Variants in LRMDA observed in about 807,000 individuals in gnomAD.
LRMDA encodes the protein leucine rich melanocyte differentiation associated.
Under a neutral mutation model 29.8 loss-of-function variants are expected in LRMDA, and 18 were observed. That is an observed-to-expected ratio of 0.60 (90% CI 0.42 to 0.90). LRMDA has a LOEUF of 0.90. Among genes scored for constraint, LRMDA ranks in the 40% least tolerant of loss-of-function variants. LRMDA has a pLI of 0.00. For synonymous variants in LRMDA, 125 were observed against 109.4 expected, an observed-to-expected ratio of 1.14 and a Z score of -0.89; for missense variants, 273 against 273.9, an observed-to-expected ratio of 1.00 and a Z score of 0.02.
chr10:75,912,417 C>T (rs1845857583), intron 2 of LRMDA, among the ~76,000 whole-genome samples: 1 of 152,058 alleles, frequency 6.6e-6, no homozygotes, highest in Non-Finnish European at 1.5e-5. Context: ...TGGAAGCCCT[C>T]TTGGAAGAGG....
chr10:76,441,839 G>C (rs1842306953), intron 6 of LRMDA, among the ~76,000 whole-genome samples: 1 of 152,102 alleles, frequency 6.6e-6, no homozygotes, highest in African/African-American at 2.4e-5. Flanking sequence ...TAGGTATTAA[G>C]TATGACTGCC....
At chr10:75,720,774 T>C (rs1842557184) in intron 2 of LRMDA, among the ~76,000 whole-genome samples, 1 of 152,210 alleles carries the variant, frequency 6.6e-6, no homozygotes. Flanking sequence ...AATCTCTTTA[T>C]TCTCCTTGGT....
At chr10:75,681,309 T>C (rs920700311) in intron 2 of LRMDA, among the ~76,000 whole-genome samples, 2 of 152,214 alleles carry the variant, frequency 1.3e-5, no homozygotes, top group African/African-American at 4.8e-5. Context: ...TTGTGCCAAA[T>C]TGCTTTTGAG....
chr10:76,437,033 T>G (rs1842251938), intron 6 of LRMDA, among the ~76,000 whole-genome samples: 2 of 152,278 alleles, frequency 1.3e-5, no homozygotes, highest in East Asian at 3.9e-4. Context: ...TCCAGCCCTG[T>G]CAGATAGTGA....
chr10:76,515,011 G>A (rs1341266152), intron 6 of LRMDA, among the ~76,000 whole-genome samples: 2 of 152,106 alleles, frequency 1.3e-5, no homozygotes, highest in African/African-American at 4.8e-5. Flanking sequence ...GCATGATTAT[G>A]CAAGCTTTGA....
chr10:75,785,277 G>A (rs1843452192), intron 2 of LRMDA, among the ~76,000 whole-genome samples: 3 of 152,184 alleles, frequency 2.0e-5, no homozygotes, highest in Admixed American at 6.5e-5. Context: ...CATAATGAGA[G>A]AAGTTGGCAG....
intron 2 of LRMDA, among the ~76,000 whole-genome samples, chr10:75,688,050 T>C (rs756609124): frequency 2.0e-5 from 3 of 152,234 alleles, no homozygotes; most frequent in Non-Finnish European, 4.4e-5. Context: ...CACCCAACAG[T>C]TCCAATGGAG....
At chr10:75,529,800 G>A (rs944851211) in intron 2 of LRMDA, among the ~76,000 whole-genome samples, 8 of 152,318 alleles carry the variant, frequency 5.3e-5, no homozygotes, top group Admixed American at 2.6e-4. Flanking sequence ...ATATAATTAT[G>A]AACACAAAAT....
At chr10:75,863,344 A>G (rs1355641265) in intron 2 of LRMDA, among the ~76,000 whole-genome samples, 2 of 152,228 alleles carry the variant, frequency 1.3e-5, no homozygotes, top group East Asian at 3.8e-4. Flanking sequence ...GAAATCAAAA[A>G]TATATACTGT....
Position 76,557,445 on chromosome 10 carries a change from G to T in LRMDA, c.*157G>T. On this transcript the variant is annotated 3_prime_UTR_variant, in exon 7 of 7. Transcript: ENST00000611255. ...TTGGTACCTTCCGCTGACTTTGCCA[G>T]GCCTGTCAAGATGATCCTTCTGCCT... 4.7e-6 allele frequency: 3 copies of T among 641,566 alleles called. No individual in the cohort carries two copies. The highest frequency in any genetic ancestry group is 8.2e-6 in the Non-Finnish European group (3 of 366,416). The allele number at this position is 641,566 out of a possible 1,614,324, so 39.7% of individuals were successfully genotyped here. A position where few individuals can be genotyped will look rare whatever the true frequency, so the allele number is the denominator to read the frequency against.
At chr10:75,738,181 G>A (rs973944528) in intron 2 of LRMDA, among the ~76,000 whole-genome samples, 1 of 150,780 alleles carries the variant, frequency 6.6e-6, no homozygotes, top group African/African-American at 2.4e-5. Flanking sequence ...TTTTTTAAAC[G>A]TAATTTTGAG....
At chr10:75,736,624 A>T (rs1842765766) in intron 2 of LRMDA, among the ~76,000 whole-genome samples, 1 of 152,228 alleles carries the variant, frequency 6.6e-6, no homozygotes, top group East Asian at 1.9e-4. Context: ...AGACTTAGAA[A>T]TAGAAACACT....
chr10:75,729,937 A>G (rs1842675923), intron 2 of LRMDA, among the ~76,000 whole-genome samples: 1 of 152,154 alleles, frequency 6.6e-6, no homozygotes, highest in South Asian at 2.1e-4. Context: ...AGCTGGGACT[A>G]CATGTCCACA....
chr10:76,458,916 T>G (rs1477396894), intron 6 of LRMDA, among the ~76,000 whole-genome samples: 2 of 152,140 alleles, frequency 1.3e-5, no homozygotes, highest in Non-Finnish European at 2.9e-5. Flanking sequence ...TCTGAGACTT[T>G]GCAACCTTTC....
intron 6 of LRMDA, among the ~76,000 whole-genome samples, chr10:76,552,310 CTTAG>C (rs1843506255): frequency 6.6e-6 from 1 of 152,168 alleles, no homozygotes; most frequent in East Asian, 1.9e-4. Flanking sequence ...TGGGATACAG[CTTAG>C]TTAGTGGTCA....
At chr10:76,425,764 C>T (rs1218315008) in intron 6 of LRMDA, among the ~76,000 whole-genome samples, 1 of 149,860 alleles carries the variant, frequency 6.7e-6, no homozygotes, top group South Asian at 2.1e-4. Context: ...CCCTCCACCC[C>T]ACAACGGGCG....
chr10:75,997,597 T>G (rs1847492730), intron 2 of LRMDA, among the ~76,000 whole-genome samples: 1 of 152,118 alleles, frequency 6.6e-6, no homozygotes, highest in African/African-American at 2.4e-5. Context: ...AAGTCAGGGA[T>G]TTTATCCAAA....
At chr10:76,277,210 G>C (rs1006354912) in intron 5 of LRMDA, among the ~76,000 whole-genome samples, 4 of 152,072 alleles carry the variant, frequency 2.6e-5, no homozygotes, top group Admixed American at 6.6e-5. Flanking sequence ...TGCTGTATCA[G>C]ACGACTCTGT....
chr10:76,481,148 C>T (rs915157397), intron 6 of LRMDA, among the ~76,000 whole-genome samples: 2 of 151,842 alleles, frequency 1.3e-5, no homozygotes, highest in African/African-American at 2.4e-5. Context: ...CTGCTTTCTA[C>T]AATTCTATTA....
Sources: gnomAD v4.1 joint callset for allele counts (sites outside exome capture counted in the v4.1 genomes callset) on GRCh38, gnomAD v4.1.1 for gene constraint, MANE v1.5 for transcripts, NCBI Gene and HGNC (gene_info 2026-07-23, HGNC 2026-07-21) for gene names.